The following C1orf105 variants were observed in gnomAD, a reference collection of about 807,000 sequenced individuals.
C1orf105 encodes chromosome 1 open reading frame 105.
A neutral mutation model predicts 20.8 loss-of-function variants in C1orf105; 17 were observed. That is an observed-to-expected ratio of 0.82 (90% confidence interval 0.56 to 1.23). The LOEUF (loss-of-function observed/expected upper bound fraction) is 1.23. Ranked by LOEUF, C1orf105 falls within the 50% of genes most tolerant of loss-of-function variation. The probability of loss-of-function intolerance (pLI) is 0.00; values close to 1 mark genes in which losing one functional copy is unlikely to be tolerated. For synonymous variants in C1orf105, 72 were observed against 72.1 expected (o/e 1.00, Z 0.01); for missense variants, 219 against 213.5 (o/e 1.03, Z -0.16).
intron 2 of C1orf105, among the ~76,000 whole-genome samples, chr1:172,445,784 G>A (rs1422732769): frequency 6.6e-6 from 1 of 152,174 alleles, no homozygotes; most frequent in East Asian, 1.9e-4. Context: ...GGACAGAAGG[G>A]TAGGTGTGAG....
chr1:172,448,516 A>C lies in C1orf105; in HGVS notation c.183A>C (p.Pro61=). The change falls in exon 3 of 7, where the codon CCA becomes CCC. Residue 61 remains proline, a synonymous_variant. Transcript: ENST00000367727. ...NMNLPILFQV[P]DVLSKARRNQ... is the part of the protein sequence containing the mutation. ...ATTTGCCAATTTTGTTTCAAGTTCC[A>C]GATGTTTTATCTAAGGTACTAAAAA... 3 of 1,610,746 alleles carry C rather than the reference A, an allele frequency of 1.9e-6. No individual in the cohort carries two copies. In the South Asian group the frequency reaches 3.3e-5, roughly 18 times the overall value.
intron 2 of C1orf105, among the ~76,000 whole-genome samples, chr1:172,448,214 C>CCAAAT (rs1476051234): frequency 1.3e-5 from 2 of 152,182 alleles, no homozygotes; most frequent in African/African-American, 4.8e-5. Flanking sequence ...TGTACAGTGT[C>CCAAAT]TGACAATCCA....
chr1:172,463,096 T>G (rs1649811175), intron 5 of C1orf105, among the ~76,000 whole-genome samples: 1 of 152,164 alleles, frequency 6.6e-6, no homozygotes, highest in Non-Finnish European at 1.5e-5. Context: ...AAAGAGTTTT[T>G]TTCTTCTATA....
intron 3 of C1orf105, among the ~76,000 whole-genome samples, chr1:172,455,104 A>T (rs985978195): frequency 6.6e-6 from 1 of 152,146 alleles, no homozygotes; most frequent in Non-Finnish European, 1.5e-5. Flanking sequence ...AACCCACAAC[A>T]TTGTAATACT....
At chr1:172,448,083 A>G (rs1309360096) in intron 2 of C1orf105, among the ~76,000 whole-genome samples, 2 of 152,244 alleles carry the variant, frequency 1.3e-5, no homozygotes, top group East Asian at 3.8e-4. Context: ...CAGGTACGAA[A>G]GGGGACAGGT....
intron 2 of C1orf105, among the ~76,000 whole-genome samples, chr1:172,446,968 A>G (rs1648085896): frequency 6.6e-6 from 1 of 152,140 alleles, no homozygotes; most frequent in Non-Finnish European, 1.5e-5. Context: ...AGAAAAATGT[A>G]ATATACCTAC....
intron 3 of C1orf105, among the ~76,000 whole-genome samples, chr1:172,453,913 C>T (rs1648944882): frequency 6.6e-6 from 1 of 152,148 alleles, no homozygotes; most frequent in Admixed American, 6.5e-5. Flanking sequence ...AATATATAAG[C>T]ATTTCATCCC....
chr1:172,460,707 T>G (rs1383594950), intron 4 of C1orf105, among the ~76,000 whole-genome samples: 3 of 151,682 alleles, frequency 2.0e-5, no homozygotes, highest in Non-Finnish European at 4.4e-5. Flanking sequence ...AGTCAACAAA[T>G]AAATAAATAA....
At chr1:172,438,380 A>G (rs1052941457) in intron 1 of C1orf105, among the ~76,000 whole-genome samples, 1 of 152,228 alleles carries the variant, frequency 6.6e-6, no homozygotes, top group Admixed American at 6.5e-5. Context: ...AGTTTGGAAG[A>G]TGTTGACTCC....
intron 1 of C1orf105, among the ~76,000 whole-genome samples, chr1:172,434,544 T>C (rs2071975316): frequency 4.6e-5 from 7 of 152,354 alleles, no homozygotes; most frequent in Admixed American, 3.9e-4. Flanking sequence ...AAAGATGTTC[T>C]TTGAAACCAA....
intron 3 of C1orf105, among the ~76,000 whole-genome samples, chr1:172,452,164 C>G (rs561735470): frequency 6.6e-6 from 1 of 152,090 alleles, no homozygotes; most frequent in Non-Finnish European, 1.5e-5. Flanking sequence ...AGCCACCATG[C>G]CTGGCCTTTA....
At chr1:172,449,619 C>T (rs764800774) in intron 3 of C1orf105, among the ~76,000 whole-genome samples, 1 of 152,118 alleles carries the variant, frequency 6.6e-6, no homozygotes, top group Non-Finnish European at 1.5e-5. Context: ...CGGCTGGGCC[C>T]AGCTAATGCA....
chr1:172,440,698 T>C (rs2072192374), intron 1 of C1orf105, among the ~76,000 whole-genome samples: 1 of 152,206 alleles, frequency 6.6e-6, no homozygotes, highest in Non-Finnish European at 1.5e-5. Flanking sequence ...TGTCCCATCA[T>C]TGTGCCCATG....
At chr1:172,441,942 G>T in intron 1 of C1orf105, 1 of 1,614,168 alleles carries the variant, frequency 6.2e-7, no homozygotes, top group Non-Finnish European at 8.5e-7. Flanking sequence ...CCCCCACATA[G>T]CTCCGGGGAG....
intron 6 of C1orf105, among the ~76,000 whole-genome samples, chr1:172,466,690 A>G (rs1222917380): frequency 6.6e-6 from 1 of 152,082 alleles, no homozygotes; most frequent in African/African-American, 2.4e-5. Context: ...ATGTAACAAG[A>G]TGCCTTTCAT....
intron 1 of C1orf105, among the ~76,000 whole-genome samples, 188 bp downstream of exon 1, chr1:172,421,094 T>A (rs1263291051): frequency 6.6e-6 from 1 of 152,138 alleles, no homozygotes; most frequent in African/African-American, 2.4e-5. Flanking sequence ...TTTTAATGGG[T>A]TTGGGGCATG....
At chr1:172,429,223 TACACACACAC>T (rs3838965) in intron 1 of C1orf105, among the ~76,000 whole-genome samples, 33,983 of 150,624 alleles carry the variant, frequency 0.23, 3,982 homozygotes, top group East Asian at 0.36. Flanking sequence ...AATACAAATA[TACACACACAC>T]ACACACACAC....
intron 1 of C1orf105, among the ~76,000 whole-genome samples, chr1:172,440,938 C>T (rs1475455116): frequency 6.6e-6 from 1 of 152,184 alleles, no homozygotes; most frequent in African/African-American, 2.4e-5. Flanking sequence ...TCACAGTTGC[C>T]ATCAGTCACA....
chr1:172,441,593 A>G, intron 1 of C1orf105: 4 of 765,360 alleles, frequency 5.2e-6, no homozygotes, highest in Non-Finnish European at 6.0e-6. Flanking sequence ...CCTTTGGTTC[A>G]TTTTTTTTGG....
Sources: gnomAD v4.1 joint callset for allele counts (sites outside exome capture counted in the v4.1 genomes callset) on GRCh38, gnomAD v4.1.1 for gene constraint, MANE v1.5 for transcripts, NCBI Gene and HGNC (gene_info 2026-07-23, HGNC 2026-07-21) for gene names.